The following CDH8 variants were observed in gnomAD, a reference collection of about 807,000 sequenced individuals.
CDH8 encodes cadherin 8.
A neutral mutation model predicts 68.1 loss-of-function variants in CDH8; 17 were observed. The ratio of observed to expected loss-of-function variants is 0.25; its 90% CI spans 0.17 to 0.37. The LOEUF is 0.37. Ranked by LOEUF, CDH8 falls within the 10% of genes least tolerant of loss-of-function variation. CDH8 has a pLI of 1.00. For missense variants in CDH8, 763 were observed against 999.3 expected (o/e 0.76, Z 3.19); for synonymous variants, 372 against 365.1 (o/e 1.02, Z -0.21).
At chr16:61,911,657 T>A (rs778516619) in intron 2 of CDH8, among the ~76,000 whole-genome samples, 33 of 150,916 alleles carry the variant, frequency 2.2e-4, no homozygotes, top group Admixed American at 4.6e-4. Flanking sequence ...TTTTTCACTC[T>A]TGATAGGTAG....
At chr16:61,737,061 G>A (rs915978182) in intron 8 of CDH8, among the ~76,000 whole-genome samples, 2 of 152,060 alleles carry the variant, frequency 1.3e-5, no homozygotes, top group South Asian at 2.1e-4. Context: ...GAGTAGTAGT[G>A]ACTTCCTATC....
chr16:61,788,585 A>C (rs1433569586), intron 8 of CDH8, among the ~76,000 whole-genome samples: 1 of 152,028 alleles, frequency 6.6e-6, no homozygotes, highest in Non-Finnish European at 1.5e-5. Flanking sequence ...AAAGTTGATA[A>C]AGTAGATGTA....
chr16:61,950,321 G>T (rs1964873086), intron 2 of CDH8, among the ~76,000 whole-genome samples: 1 of 152,138 alleles, frequency 6.6e-6, no homozygotes, highest in Non-Finnish European at 1.5e-5. Flanking sequence ...CTGAGAAGCA[G>T]CTCTTCATAA....
intron 10 of CDH8, among the ~76,000 whole-genome samples, chr16:61,704,959 C>G (rs1471821969): frequency 6.6e-6 from 1 of 152,128 alleles, no homozygotes; most frequent in Non-Finnish European, 1.5e-5. Context: ...GCTCAGCATA[C>G]CAGTACAGTA....
At chr16:61,886,084 T>C (rs1963667346) in intron 3 of CDH8, among the ~76,000 whole-genome samples, 2 of 152,196 alleles carry the variant, frequency 1.3e-5, no homozygotes, top group African/African-American at 2.4e-5. Context: ...TGGTTCTAAC[T>C]TTCCCAAGGA....
At chr16:61,807,968 G>C (rs1045065343) in intron 7 of CDH8, among the ~76,000 whole-genome samples, 1 of 152,090 alleles carries the variant, frequency 6.6e-6, no homozygotes, top group African/African-American at 2.4e-5. Context: ...TGTTTAATGG[G>C]AATAAGAATA....
At chr16:61,989,171 TAA>T (rs1202402359) in intron 2 of CDH8, among the ~76,000 whole-genome samples, 2 of 152,164 alleles carry the variant, frequency 1.3e-5, no homozygotes, top group African/African-American at 2.4e-5. Flanking sequence ...TGGAGAAAGA[TAA>T]AATAGATAGA....
chr16:61,952,538 G>A (rs927176636), intron 2 of CDH8, among the ~76,000 whole-genome samples: 10 of 152,122 alleles, frequency 6.6e-5, no homozygotes, highest in Admixed American at 6.5e-4. Flanking sequence ...TGCTGAAATG[G>A]CAGAGGAGGT....
rs534039691 is a variant in CDH8, at chr16:61,956,833, G to T, written c.253-55360C>A. ...TGAAGTTCTTCATGTAGGTGGTCTAGTTTGTAGGGTCCTTAAAACTAACAT... is the reference window on the plus strand; with the variant it reads ...TGAAGTTCTTCATGTAGGTGGTCTATTTTGTAGGGTCCTTAAAACTAACAT... On this transcript the variant is annotated intron_variant, in intron 2 of 11. Transcript: ENST00000577390. 7.6e-4 allele frequency among the ~76,000 whole-genome samples: 115 copies of T among 152,210 alleles called. 1 individual carries two copies. The highest frequency in any genetic ancestry group is 2.2e-3 in the African/African-American group (91 of 41,552).
At chr16:61,865,315 A>C (rs1963233967) in intron 3 of CDH8, among the ~76,000 whole-genome samples, 1 of 152,222 alleles carries the variant, frequency 6.6e-6, no homozygotes, top group Non-Finnish European at 1.5e-5. Context: ...TTAATGAAAC[A>C]TCCATGCACA....
chr16:61,768,311 C>CTCTCTCTCTCTCTCTCT (rs1567461041), intron 8 of CDH8, among the ~76,000 whole-genome samples: 9 of 16,402 alleles, frequency 5.5e-4, no homozygotes, highest in East Asian at 2.1e-3. Flanking sequence ...TGTGTCTCTC[C>CTCTCTCTCTCTCTCTCT]CTTTCTCTCT....
intron 2 of CDH8, among the ~76,000 whole-genome samples, chr16:61,993,780 A>G (rs1471321584): frequency 3.9e-5 from 6 of 152,168 alleles, no homozygotes; most frequent in Non-Finnish European, 5.9e-5. Flanking sequence ...AGTATACACA[A>G]ATGCATGGAC....
At chr16:61,929,011 C>A (rs1964499253) in intron 2 of CDH8, among the ~76,000 whole-genome samples, 1 of 152,160 alleles carries the variant, frequency 6.6e-6, no homozygotes, top group Non-Finnish European at 1.5e-5. Flanking sequence ...CGGGTTCACG[C>A]CATTCTCCTG....
rs56770114 is a variant in CDH8, at chr16:62,020,727, T to G, written c.252+425A>C. 9.8e-3 allele frequency among the ~76,000 whole-genome samples: 1,493 copies of G among 152,284 alleles called. 24 individuals carry two copies. The highest frequency in any genetic ancestry group is 0.034 in the African/African-American group (1,393 of 41,566). ...ATAAATATCCACCTGCAATTAGATATATCTGCATAGCCTTAAAATAAAATA... is the reference window on the plus strand; with the variant it reads ...ATAAATATCCACCTGCAATTAGATAGATCTGCATAGCCTTAAAATAAAATA... On this transcript the variant is annotated intron_variant, in intron 2 of 11. Transcript: ENST00000577390.
chr16:61,941,716 A>G (rs1478318163), intron 2 of CDH8, among the ~76,000 whole-genome samples: 1 of 152,230 alleles, frequency 6.6e-6, no homozygotes, highest in Non-Finnish European at 1.5e-5. Flanking sequence ...TGCTGGGATT[A>G]CAGACATGAG....
intron 10 of CDH8, among the ~76,000 whole-genome samples, chr16:61,710,138 T>A (rs1017916333): frequency 1.2e-4 from 18 of 152,124 alleles, no homozygotes; most frequent in Non-Finnish European, 1.8e-4. Context: ...TTGTGCCAAT[T>A]GATGTCTAAG....
chr16:61,728,855 T>C lies in CDH8; in HGVS notation c.1415-1640A>G, dbSNP rs966728590. Among the ~76,000 whole-genome samples, 6 of 149,754 alleles carry C rather than the reference T, an allele frequency of 4.0e-5. No homozygotes were observed. The Admixed American group carries it at 4.0e-4, about 10-fold the overall frequency. On this transcript the variant is annotated intron_variant, in intron 8 of 11. Coordinates refer to ENST00000577390, the MANE Select transcript of CDH8 (RefSeq NM_001796.5). The stretch of plus-strand genomic sequence containing the variant: ...CTTGTGTGACTCTGAGCAATTAATT[T>C]AAACTCAATTTTTTTCCTAAAAAAA...
chr16:61,782,179 G>A (rs531706010), intron 8 of CDH8, among the ~76,000 whole-genome samples: 72 of 152,272 alleles, frequency 4.7e-4, no homozygotes, highest in Non-Finnish European at 8.5e-4. Context: ...CTGAGGTACC[G>A]GGTTCATCTC....
At chr16:61,669,871 C>A (rs1963756205) in intron 10 of CDH8, among the ~76,000 whole-genome samples, 1 of 152,078 alleles carries the variant, frequency 6.6e-6, no homozygotes, top group South Asian at 2.1e-4. Context: ...ATAACATTTT[C>A]TCGTTAGCGT....
Sources: gnomAD v4.1 joint callset for allele counts (sites outside exome capture counted in the v4.1 genomes callset) on GRCh38, gnomAD v4.1.1 for gene constraint, MANE v1.5 for transcripts, NCBI Gene and HGNC (gene_info 2026-07-23, HGNC 2026-07-21) for gene names.